Variants in ZNF148 observed in about 807,000 individuals in gnomAD.
The protein encoded by ZNF148 is Beta-Enolase Repressor Factor-1.
Under a neutral mutation model 67.7 loss-of-function variants are expected in ZNF148, and 7 were observed. That is an observed-to-expected ratio of 0.10 (90% CI 0.06 to 0.19). The LOEUF (loss-of-function observed/expected upper bound fraction) is 0.19, where lower values mean the gene tolerates loss of function less well. Among genes scored for constraint, ZNF148 ranks in the 10% least tolerant of loss-of-function variants. The pLI is 1.00. For missense variants in ZNF148, 583 were observed against 947.1 expected (o/e 0.62, Z 5.05); for synonymous variants, 333 against 330.7 (o/e 1.01, Z -0.08).
At chr3:125,374,821 CA>C (rs1943010189) in intron 1 of ZNF148, among the ~76,000 whole-genome samples, 1 of 152,074 alleles carries the variant, frequency 6.6e-6, no homozygotes, top group Admixed American at 6.5e-5. Flanking sequence ...CTACCTCTGA[CA>C]CCCGCCTCCA....
At position 125,233,957 on chromosome 3, in the gene ZNF148, TG is replaced by T. The variant is rs761522870; in HGVS notation, c.787-19del. ...GAAAAATACTGTTGAATTCAGAGGA[TG>T]GTAGTGGGTTGTTTGTGGTTTTGGT... On this transcript the variant is annotated intron_variant, in intron 8 of 8. Transcript: ENST00000360647. The surrounding 1 kb of genome is among the most constrained non-coding windows in gnomAD (Gnocchi z 5.1). 69 of 1,555,308 alleles carry T rather than the reference TG, an allele frequency of 4.4e-5. No homozygotes were observed. The highest frequency in any genetic ancestry group is 4.1e-4 in the South Asian group (33 of 80,424).
At chr3:125,290,392 C>T (rs1482707428) in intron 4 of ZNF148, among the ~76,000 whole-genome samples, 1 of 151,992 alleles carries the variant, frequency 6.6e-6, no homozygotes, top group Non-Finnish European at 1.5e-5. Context: ...TTAAAGAGTC[C>T]TCCCTATACT....
chr3:125,305,970 A>G (rs1418053378), intron 4 of ZNF148, among the ~76,000 whole-genome samples: 2 of 152,146 alleles, frequency 1.3e-5, no homozygotes, highest in African/African-American at 4.8e-5. Context: ...TAAATTTAAA[A>G]GGGCAGAAAT....
chr3:125,360,790 G>T (rs1027145397), intron 1 of ZNF148, among the ~76,000 whole-genome samples: 1 of 149,892 alleles, frequency 6.7e-6, no homozygotes, highest in Admixed American at 6.6e-5. Context: ...ACCAGCCTGG[G>T]CAACATAGGA....
intron 7 of ZNF148, among the ~76,000 whole-genome samples, chr3:125,267,212 C>T (rs183482969): frequency 2.6e-5 from 4 of 151,414 alleles, no homozygotes; most frequent in East Asian, 3.9e-4. Flanking sequence ...ACTCATTCTA[C>T]GAAACCAGTA....
Position 125,288,097 on chromosome 3 carries a change from T to C in ZNF148, c.459+6A>G, listed in dbSNP as rs1938800401. 8.1e-6 allele frequency: 13 copies of C among 1,613,792 alleles called. No individual in the cohort carries two copies. Among genetic ancestry groups the C allele is most frequent in the Non-Finnish European group, 1.1e-5 (13 of 1,179,832 alleles). On this transcript the variant is annotated splice_donor_region_variant and intron_variant, in intron 5 of 8. Transcript: ENST00000360647. ...TTGTGATTACCACCTTAATACATTG[T>C]CTTACTTTTGCGGGAGAACGTTGTT...
At chr3:125,239,735 T>C (rs533987685) in intron 7 of ZNF148, among the ~76,000 whole-genome samples, 2 of 152,240 alleles carry the variant, frequency 1.3e-5, no homozygotes, top group South Asian at 4.1e-4. Context: ...TTATTCACAA[T>C]GGCCAAAAGA....
At chr3:125,272,529 T>C (rs1441281392) in intron 7 of ZNF148, among the ~76,000 whole-genome samples, 7 of 152,132 alleles carry the variant, frequency 4.6e-5, no homozygotes, top group Admixed American at 4.6e-4. Context: ...GACATAATAA[T>C]AAAATGGAAT....
intron 1 of ZNF148, chr3:125,344,230 G>T: frequency 2.9e-6 from 1 of 349,060 alleles, no homozygotes. Flanking sequence ...AGTAGAACCT[G>T]ATATCAATTT....
intron 1 of ZNF148, among the ~76,000 whole-genome samples, chr3:125,364,087 A>G (rs1942629377): frequency 6.6e-6 from 1 of 152,178 alleles, no homozygotes; most frequent in South Asian, 2.1e-4. Context: ...TCCACTGCAT[A>G]CTGACTTAAG....
chr3:125,344,726 C>G, intron 1 of ZNF148: 3 of 572,752 alleles, frequency 5.2e-6, no homozygotes, highest in South Asian at 5.0e-5. Context: ...GTGCCAGTTT[C>G]CATTATGCTT....
At chr3:125,259,880 C>T (rs1398859485) in intron 7 of ZNF148, among the ~76,000 whole-genome samples, 1 of 152,170 alleles carries the variant, frequency 6.6e-6, no homozygotes, top group Non-Finnish European at 1.5e-5. Context: ...CCTCACTAAG[C>T]TTAATCATTT....
At chr3:125,240,284 A>G (rs1223070979) in intron 7 of ZNF148, among the ~76,000 whole-genome samples, 1 of 152,174 alleles carries the variant, frequency 6.6e-6, no homozygotes, top group Non-Finnish European at 1.5e-5. Context: ...ACTTAAAGCC[A>G]GGAGTTCAAG....
intron 4 of ZNF148, among the ~76,000 whole-genome samples, chr3:125,291,858 T>C (rs1480415077): frequency 2.6e-5 from 4 of 152,120 alleles, no homozygotes; most frequent in Non-Finnish European, 5.9e-5. Context: ...TGTTTAACTA[T>C]CACTAGAAGG....
At chr3:125,302,475 T>A (rs1939647248) in intron 4 of ZNF148, among the ~76,000 whole-genome samples, 1 of 152,034 alleles carries the variant, frequency 6.6e-6, no homozygotes, top group Non-Finnish European at 1.5e-5. Flanking sequence ...AACCCATAAG[T>A]AAGAAGTAAG....
intron 7 of ZNF148, among the ~76,000 whole-genome samples, chr3:125,261,829 T>TA (rs1937356667): frequency 6.7e-6 from 1 of 150,076 alleles, no homozygotes; most frequent in African/African-American, 2.5e-5. Context: ...TGACAAGTTT[T>TA]TTTTTTTTTT....
Position 125,368,325 on chromosome 3 carries a change from C to T in ZNF148, c.-234+6777G>A, listed in dbSNP as rs558773980. Among the ~76,000 whole-genome samples the T allele has an allele frequency of 4.6e-5, 7 of 152,058 alleles. No individual in the cohort carries two copies. In the South Asian group the frequency reaches 1.2e-3, roughly 27 times the overall value. ...AGTTACTTTGGAAGGCTACCACTTA[C>T]TCATTTATTCACTCCATCCATCCAA... On this transcript the variant is annotated intron_variant, in intron 1 of 8. Coordinates refer to ENST00000360647, the MANE Select transcript of ZNF148 (RefSeq NM_021964.3).
intron 4 of ZNF148, among the ~76,000 whole-genome samples, chr3:125,288,613 CAAT>C (rs2107625940): frequency 6.6e-6 from 1 of 152,042 alleles, no homozygotes; most frequent in African/African-American, 2.4e-5. Flanking sequence ...AAATTCAACA[CAAT>C]ACTAGGGAAT....
intron 7 of ZNF148, among the ~76,000 whole-genome samples, chr3:125,234,997 T>C (rs1936020753): frequency 6.6e-6 from 1 of 152,164 alleles, no homozygotes; most frequent in Non-Finnish European, 1.5e-5. Context: ...AGGTGTGTTA[T>C]CCATTGTGCC....
Sources: gnomAD v4.1 joint callset for allele counts (sites outside exome capture counted in the v4.1 genomes callset) on GRCh38, gnomAD v4.1.1 for gene constraint, Gnocchi (gnomAD v3.1) non-coding constraint, MANE v1.5 for transcripts, NCBI Gene and HGNC (gene_info 2026-07-23, HGNC 2026-07-21) for gene names.